The following MKX variants were observed in gnomAD, a reference collection of about 807,000 sequenced individuals.
MKX encodes the protein homeobox protein Mohawk.
MKX carries 13 observed loss-of-function variants against 36.0 expected under a neutral mutation model. The ratio of observed to expected loss-of-function variants is 0.36; its 90% CI spans 0.24 to 0.57. The LOEUF (loss-of-function observed/expected upper bound fraction) is 0.57. MKX is among the 20% of genes least tolerant of loss of function. The pLI is 0.79. For synonymous variants in MKX, 176 were observed against 178.3 expected, an observed-to-expected ratio of 0.99 and a Z score of 0.10; for missense variants, 458 against 456.4, an observed-to-expected ratio of 1.00 and a Z score of -0.03.
At chr10:27,722,394 G>A (rs931545994) in intron 5 of MKX, among the ~76,000 whole-genome samples, 2 of 152,200 alleles carry the variant, frequency 1.3e-5, no homozygotes, top group African/African-American at 4.8e-5. Context: ...TCTATAAACT[G>A]TGGGCTTCCT....
At chr10:27,740,909 G>A (rs1469662935) in intron 3 of MKX, among the ~76,000 whole-genome samples, 1 of 152,114 alleles carries the variant, frequency 6.6e-6, no homozygotes, top group African/African-American at 2.4e-5. Flanking sequence ...GCCTTAATAT[G>A]GAGCGTCACA....
In MKX at chr10:27,742,920, G is replaced by A. The variant is rs896205785; in HGVS notation, c.188+308C>T. Reference sequence around the variant, plus strand: ...CCTCAGCCGCGCACCGGCACCCACAGTCCGGAGAGGGGCAAATAACCCCCA... The same window carrying A: ...CCTCAGCCGCGCACCGGCACCCACAATCCGGAGAGGGGCAAATAACCCCCA... On this transcript the variant is annotated intron_variant, in intron 2 of 6. Coordinates refer to ENST00000419761, the MANE Select transcript of MKX (RefSeq NM_173576.3). The surrounding 1 kb of genome is among the most constrained non-coding windows in gnomAD (Gnocchi z 4.2). 5.3e-5 allele frequency among the ~76,000 whole-genome samples: 8 copies of A among 152,216 alleles called. No individual in the cohort carries two copies. Among genetic ancestry groups the A allele is most frequent in the African/African-American group, 1.9e-4 (8 of 41,458 alleles).
At chr10:27,743,043 T>C (rs1172469347) in intron 2 of MKX, among the ~76,000 whole-genome samples, 185 bp downstream of exon 2, 1 of 152,194 alleles carries the variant, frequency 6.6e-6, no homozygotes, top group East Asian at 1.9e-4. Context: ...TGATCCCTCA[T>C]GTTTTAAGAT....
chr10:27,708,852 T>C (rs1340598781), intron 5 of MKX, among the ~76,000 whole-genome samples: 3 of 151,962 alleles, frequency 2.0e-5, no homozygotes, highest in African/African-American at 4.8e-5. Flanking sequence ...CGAAAAATAT[T>C]TGGAAAAAAA....
rs1268714989 is a variant in MKX at position 27,688,978 on chromosome 10, T to A, written c.839-13424A>T. Among the ~76,000 whole-genome samples the A allele has an allele frequency of 2.0e-5, 3 of 152,230 alleles. No individual in the cohort carries two copies. In the South Asian group the frequency reaches 6.2e-4, roughly 31 times the overall value. ...AAATGTGCATTCATGATCTAGAAGTTGGCTGGAAAGTCTGTCTCCTCCATC... is the reference window on the plus strand; with the variant it reads ...AAATGTGCATTCATGATCTAGAAGTAGGCTGGAAAGTCTGTCTCCTCCATC... On this transcript the variant is annotated intron_variant, in intron 5 of 6. Transcript: ENST00000419761.
chr10:27,745,040 T>C (rs145941807), intron 1 of MKX: 1 of 152,384 alleles, frequency 6.6e-6, no homozygotes, highest in East Asian at 1.9e-4. Flanking sequence ...AAGACTCGCG[T>C]TGGTGTTTTC....
intron 5 of MKX, among the ~76,000 whole-genome samples, chr10:27,729,000 A>G (rs1834556761): frequency 1.3e-5 from 2 of 152,150 alleles, no homozygotes; most frequent in African/African-American, 4.8e-5. Context: ...TGTCCCATGC[A>G]CCAATAAACG....
At chr10:27,686,918 A>G (rs544717599) in intron 5 of MKX, among the ~76,000 whole-genome samples, 12 of 152,160 alleles carry the variant, frequency 7.9e-5, no homozygotes, top group African/African-American at 2.9e-4. Context: ...CTGGATCCAC[A>G]GGGTCCTCAC....
intron 5 of MKX, among the ~76,000 whole-genome samples, chr10:27,704,543 T>C (rs1378108474): frequency 3.3e-5 from 5 of 151,658 alleles, no homozygotes; most frequent in African/African-American, 9.7e-5. Flanking sequence ...TAGAAGAGAA[T>C]AGAAAGACAA....
intron 5 of MKX, among the ~76,000 whole-genome samples, chr10:27,698,509 G>A (rs1341302877): frequency 6.6e-6 from 1 of 152,162 alleles, no homozygotes; most frequent in Admixed American, 6.5e-5. Context: ...TGGAGTTGGG[G>A]GAGTGGGAGC....
At chr10:27,740,394 A>C (rs934523466) in intron 3 of MKX, among the ~76,000 whole-genome samples, 6 of 152,200 alleles carry the variant, frequency 3.9e-5, no homozygotes, top group Non-Finnish European at 4.4e-5. Context: ...GCATGTAAAA[A>C]AGTTCAAGCC....
intron 5 of MKX, among the ~76,000 whole-genome samples, chr10:27,713,991 G>A (rs769131385): frequency 7.4e-5 from 7 of 94,034 alleles, no homozygotes; most frequent in Non-Finnish European, 1.3e-4. Context: ...GGCGAGTACA[G>A]CAAATTTGTG....
rs185882451 is a variant in MKX at position 27,735,104 on chromosome 10, A to G, written c.502+117T>C. The G allele has an allele frequency of 4.1e-6, 4 of 967,746 alleles. No individual in the cohort carries two copies. The East Asian group carries it at 1.1e-4, about 26-fold the overall frequency. The allele number at this position is 967,746 out of a possible 1,614,324, so 59.9% of individuals were successfully genotyped here. A position where few individuals can be genotyped will look rare whatever the true frequency, so the allele number is the denominator to read the frequency against. ...TAAAAATGAAGTTACTTCATGCAAT[A>G]AAAAAGAACCGTTAAGGCACCATCA... On this transcript the variant is annotated intron_variant, in intron 4 of 6. Coordinates refer to ENST00000419761, the MANE Select transcript of MKX (RefSeq NM_173576.3).
chr10:27,737,086 G>A (rs796353707), intron 3 of MKX, among the ~76,000 whole-genome samples: 17 of 152,188 alleles, frequency 1.1e-4, no homozygotes, highest in African/African-American at 4.1e-4. Context: ...AAGGACTAGC[G>A]GAAAAGAACT....
intron 5 of MKX, among the ~76,000 whole-genome samples, chr10:27,681,673 C>A (rs971442312): frequency 6.6e-6 from 1 of 152,148 alleles, no homozygotes; most frequent in Non-Finnish European, 1.5e-5. Flanking sequence ...GTAATCCTAG[C>A]ACTTTGGGAG....
chr10:27,721,758 C>A (rs767273496), intron 5 of MKX, among the ~76,000 whole-genome samples: 14 of 152,134 alleles, frequency 9.2e-5, no homozygotes, highest in Non-Finnish European at 1.8e-4. Context: ...TCTTCACATC[C>A]TGCACATGTA....
intron 5 of MKX, chr10:27,718,513 G>A: frequency 2.6e-6 from 1 of 381,294 alleles, no homozygotes; most frequent in Non-Finnish European, 5.3e-6. Flanking sequence ...AGGAAATATT[G>A]GCAAGAAGGA....
chr10:27,694,562 G>A (rs1836517671), intron 5 of MKX, among the ~76,000 whole-genome samples: 1 of 147,194 alleles, frequency 6.8e-6, no homozygotes, highest in Non-Finnish European at 1.5e-5. Context: ...CGAGTGTGTG[G>A]CGGGCGCCTG....
At chr10:27,702,473 T>C (rs1431642568) in intron 5 of MKX, among the ~76,000 whole-genome samples, 1 of 152,194 alleles carries the variant, frequency 6.6e-6, no homozygotes, top group Non-Finnish European at 1.5e-5. Context: ...TTTTATCAGA[T>C]TGGAGCAGGA....
Sources: allele counts gnomAD v4.1 joint callset (sites outside exome capture counted in the v4.1 genomes callset), GRCh38; gene constraint gnomAD v4.1.1; non-coding constraint Gnocchi (gnomAD v3.1); transcripts MANE v1.5; gene names NCBI Gene and HGNC (gene_info 2026-07-23, HGNC 2026-07-21).